Variants in COL25A1 observed in about 807,000 individuals in gnomAD.
The protein encoded by COL25A1 is collagen type XXV alpha 1 chain, also known as collagen alpha-1(XXV) chain.
In COL25A1, 103 loss-of-function variants were observed where a neutral mutation model predicts 128.4. The observed-to-expected ratio is 0.80, with a 90% confidence interval of 0.68 to 0.94. The LOEUF (loss-of-function observed/expected upper bound fraction) is 0.94. Ranked by LOEUF, COL25A1 falls within the 40% of genes least tolerant of loss-of-function variation. The pLI is 0.00. For synonymous variants in COL25A1, 279 were observed against 277.2 expected, an observed-to-expected ratio of 1.01 and a Z score of -0.06; for missense variants, 745 against 840.0, an observed-to-expected ratio of 0.89 and a Z score of 1.40.
chr4:109,001,451 T>G (rs9684876), intron 6 of COL25A1, among the ~76,000 whole-genome samples: 118,873 of 149,618 alleles, frequency 0.79, 48,413 homozygotes, highest in East Asian at 1. Flanking sequence ...AACTGTTCAG[T>G]CTGCCATTGG....
intron 16 of COL25A1, among the ~76,000 whole-genome samples, chr4:108,893,391 A>C (rs961911795): frequency 1.3e-5 from 2 of 152,150 alleles, no homozygotes; most frequent in Admixed American, 6.5e-5. Flanking sequence ...TGGGGTTAAC[A>C]CTCCAAAGAG....
Position 108,984,763 on chromosome 4 carries a change from C to T in COL25A1, c.439-10204G>A, listed in dbSNP as rs183919618. On this transcript the variant is annotated intron_variant, in intron 6 of 37. Coordinates refer to ENST00000399132, the MANE Select transcript of COL25A1 (RefSeq NM_198721.4). ...CACACCTCCCCACAAGCTGAGGGAGCCGGCTCCGGCCTTGGCCAGCCCAGA... is the reference window on the plus strand; with the variant it reads ...CACACCTCCCCACAAGCTGAGGGAGTCGGCTCCGGCCTTGGCCAGCCCAGA... Among the ~76,000 whole-genome samples, 523 of 152,336 alleles carry T rather than the reference C, an allele frequency of 3.4e-3. 8 individuals carry two copies. Among genetic ancestry groups the T allele is most frequent in the East Asian group, 0.032 (167 of 5,158 alleles).
intron 3 of COL25A1, among the ~76,000 whole-genome samples, chr4:109,206,175 T>C (rs996466934): frequency 2.0e-5 from 3 of 152,178 alleles, no homozygotes; most frequent in Non-Finnish European, 4.4e-5. Context: ...TTAATATCCT[T>C]CTACTGTACA....
chr4:109,293,725 T>C (rs1028942547), intron 3 of COL25A1, among the ~76,000 whole-genome samples: 5 of 152,070 alleles, frequency 3.3e-5, no homozygotes. Context: ...AAAAGATGAA[T>C]TTAGCAACAA....
In COL25A1 at chr4:109,147,900, T is replaced by C. The variant is rs142342770; in HGVS notation, c.368-97721A>G. On this transcript the variant is annotated intron_variant, in intron 3 of 37. Coordinates refer to ENST00000399132, the MANE Select transcript of COL25A1 (RefSeq NM_198721.4). ...GTATTGCCTGTATGAATGGAGTGCT[T>C]ATAAGGTCAGCCAGGTTGAGAGAAT... 1.6e-3 allele frequency among the ~76,000 whole-genome samples: 249 copies of C among 152,150 alleles called. 3 individuals are homozygous for C. The highest frequency in any genetic ancestry group is 5.5e-3 in the African/African-American group (229 of 41,508).
intron 3 of COL25A1, among the ~76,000 whole-genome samples, chr4:109,121,846 A>G (rs1768134954): frequency 6.6e-6 from 1 of 152,162 alleles, no homozygotes; most frequent in South Asian, 2.1e-4. Context: ...AGCATTATTC[A>G]TAATTGCCAA....
At chr4:109,044,961 C>T (rs925566947) in intron 5 of COL25A1, among the ~76,000 whole-genome samples, 14 of 152,184 alleles carry the variant, frequency 9.2e-5, no homozygotes, top group Admixed American at 5.2e-4. Flanking sequence ...CATTGGTCCA[C>T]TTATATGCCA....
chr4:109,226,711 A>T (rs902566613), intron 3 of COL25A1, among the ~76,000 whole-genome samples: 5 of 152,304 alleles, frequency 3.3e-5, no homozygotes, highest in African/African-American at 1.2e-4. Flanking sequence ...CAAAATAATT[A>T]AAAAATATTT....
At chr4:108,987,630 T>C (rs952815408) in intron 6 of COL25A1, among the ~76,000 whole-genome samples, 3 of 152,160 alleles carry the variant, frequency 2.0e-5, no homozygotes, top group Non-Finnish European at 4.4e-5. Flanking sequence ...CGCCTCTGCG[T>C]CCCAAAGTGC....
At chr4:109,273,062 G>T (rs1430981640) in intron 3 of COL25A1, among the ~76,000 whole-genome samples, 2 of 152,086 alleles carry the variant, frequency 1.3e-5, no homozygotes, top group Non-Finnish European at 2.9e-5. Flanking sequence ...AATCAACTGG[G>T]GAAGGGAGGA....
chr4:109,143,871 C>T (rs1770677914), intron 3 of COL25A1, among the ~76,000 whole-genome samples: 1 of 152,126 alleles, frequency 6.6e-6, no homozygotes, highest in South Asian at 2.1e-4. Context: ...TTTACTATTG[C>T]CCACCTTCTG....
At chr4:109,086,073 G>A (rs1161304054) in intron 3 of COL25A1, among the ~76,000 whole-genome samples, 2 of 152,014 alleles carry the variant, frequency 1.3e-5, no homozygotes, top group East Asian at 1.9e-4. Context: ...AAAGTAAGAG[G>A]GCAAATAGCA....
intron 3 of COL25A1, among the ~76,000 whole-genome samples, chr4:109,268,945 T>C (rs546367650): frequency 4.6e-5 from 7 of 152,190 alleles, no homozygotes. Context: ...TCTTTTTTTT[T>C]TTATACTTTA....
At chr4:109,278,526 T>C (rs1723062121) in intron 3 of COL25A1, among the ~76,000 whole-genome samples, 1 of 152,220 alleles carries the variant, frequency 6.6e-6, no homozygotes, top group Admixed American at 6.5e-5. Context: ...TTGAGTATTC[T>C]GAAAAACTAA....
At chr4:108,866,388 T>C (rs1737923659) in intron 20 of COL25A1, among the ~76,000 whole-genome samples, 1 of 152,070 alleles carries the variant, frequency 6.6e-6, no homozygotes, top group Admixed American at 6.5e-5. Context: ...AGATGGGGTC[T>C]CATCATGTTG....
chr4:108,843,574 G>C (rs1377015542), intron 30 of COL25A1, among the ~76,000 whole-genome samples: 1 of 152,054 alleles, frequency 6.6e-6, no homozygotes, highest in African/African-American at 2.4e-5. Flanking sequence ...AGTTTCTTGA[G>C]GGCAGGGCCA....
intron 3 of COL25A1, among the ~76,000 whole-genome samples, chr4:109,201,481 T>G (rs1214312785): frequency 6.6e-6 from 1 of 152,030 alleles, no homozygotes; most frequent in Non-Finnish European, 1.5e-5. Flanking sequence ...GAATAGAGGG[T>G]AACTTTCTCA....
chr4:109,025,298 C>G (rs912312142), intron 5 of COL25A1, among the ~76,000 whole-genome samples: 26 of 152,108 alleles, frequency 1.7e-4, no homozygotes, highest in Non-Finnish European at 3.7e-4. Flanking sequence ...AAACACATAC[C>G]TAGGCAATTT....
intron 8 of COL25A1, among the ~76,000 whole-genome samples, chr4:108,955,330 T>A (rs1749945994): frequency 1.3e-5 from 2 of 151,988 alleles, no homozygotes; most frequent in South Asian, 4.1e-4. Flanking sequence ...TCTTGACTTG[T>A]GAAATGTTGG....
Sources: allele counts gnomAD v4.1 joint callset (sites outside exome capture counted in the v4.1 genomes callset), GRCh38; gene constraint gnomAD v4.1.1; transcripts MANE v1.5; gene names NCBI Gene and HGNC (gene_info 2026-07-23, HGNC 2026-07-21).